Variants in MOB1B observed in about 807,000 individuals in gnomAD.
MOB1B encodes the protein MOB kinase activator 1B.
A neutral mutation model predicts 24.4 loss-of-function variants in MOB1B; 19 were observed. The observed-to-expected ratio is 0.78, with a 90% CI of 0.54 to 1.14. The LOEUF (loss-of-function observed/expected upper bound fraction) is 1.14. Among genes scored for constraint, MOB1B ranks in the 50% most tolerant of loss-of-function variants. The pLI is 0.00. For missense variants in MOB1B, 243 were observed against 259.6 expected, an observed-to-expected ratio of 0.94 and a Z score of 0.44; for synonymous variants, 76 against 82.1, an observed-to-expected ratio of 0.93 and a Z score of 0.40.
At chr4:70,969,436 C>A (rs1353724875) in intron 2 of MOB1B, among the ~76,000 whole-genome samples, 1 of 152,158 alleles carries the variant, frequency 6.6e-6, no homozygotes. Context: ...CAGCCTGGTT[C>A]TTTAAGAATG....
intron 1 of MOB1B, among the ~76,000 whole-genome samples, chr4:70,927,182 T>C (rs182380341): frequency 1.1e-4 from 16 of 152,142 alleles, no homozygotes; most frequent in African/African-American, 3.1e-4. Context: ...ATACAAACTT[T>C]CTTGGGTGTA....
At chr4:70,961,406 C>A (rs1383332794) in intron 2 of MOB1B, among the ~76,000 whole-genome samples, 5 of 152,176 alleles carry the variant, frequency 3.3e-5, no homozygotes, top group African/African-American at 1.2e-4. Flanking sequence ...CATCACGTTA[C>A]TCAGAATGGC....
At chr4:70,962,985 C>G (rs1738364892) in intron 2 of MOB1B, among the ~76,000 whole-genome samples, 1 of 152,080 alleles carries the variant, frequency 6.6e-6, no homozygotes, top group African/African-American at 2.4e-5. Flanking sequence ...GCCTGGGTGA[C>G]AGAGCGAGAC....
At chr4:70,931,883 C>G (rs1012161142) in intron 1 of MOB1B, among the ~76,000 whole-genome samples, 1 of 151,930 alleles carries the variant, frequency 6.6e-6, no homozygotes. Flanking sequence ...GGCACATGCA[C>G]CATGCCTGGC....
chr4:70,942,432 ATTTC>A (rs1321505861), intron 1 of MOB1B, among the ~76,000 whole-genome samples: 2 of 152,130 alleles, frequency 1.3e-5, no homozygotes, highest in South Asian at 2.1e-4. Context: ...ATTAGCATGG[ATTTC>A]TTTATTTTTT....
rs918111900 is a variant in MOB1B at position 70,967,716 on chromosome 4, C to CA, written c.182-2207dup. Among the ~76,000 whole-genome samples, 23 of 149,984 alleles carry CA rather than the reference C, an allele frequency of 1.5e-4. 1 individual carries two copies. The highest frequency in any genetic ancestry group is 3.7e-4 in the African/African-American group (15 of 40,638). ...AGGCCAAAAAAAGAAAAATGAACAA[C>CA]AAAAAAAAGGAAAAAAAATATTAGC... is the stretch of plus-strand genomic sequence containing the variant. On this transcript the variant is annotated intron_variant, in intron 2 of 5. Transcript: ENST00000309395.
intron 2 of MOB1B, among the ~76,000 whole-genome samples, chr4:70,963,864 C>T (rs1370130954): frequency 2.0e-5 from 3 of 151,910 alleles, no homozygotes; most frequent in Non-Finnish European, 4.4e-5. Flanking sequence ...AACAAACACA[C>T]CAATGTGTCA....
chr4:70,931,390 A>G (rs1454966300), intron 1 of MOB1B, among the ~76,000 whole-genome samples: 3 of 152,194 alleles, frequency 2.0e-5, no homozygotes, highest in Non-Finnish European at 4.4e-5. Flanking sequence ...TAATTTGGGC[A>G]AAATCATCGT....
chr4:70,920,188 C>T (rs1451095642), intron 1 of MOB1B, among the ~76,000 whole-genome samples: 3 of 152,104 alleles, frequency 2.0e-5, no homozygotes, highest in Admixed American at 2.0e-4. Flanking sequence ...ACTTTTCTGA[C>T]AAAATATTTG....
At chr4:70,964,874 G>A (rs1028359023) in intron 2 of MOB1B, among the ~76,000 whole-genome samples, 1 of 150,982 alleles carries the variant, frequency 6.6e-6, no homozygotes, top group African/African-American at 2.4e-5. Flanking sequence ...AGCTTGTAGT[G>A]AGCTGAGATT....
chr4:70,906,420 G>A (rs912693297), intron 1 of MOB1B, among the ~76,000 whole-genome samples: 13 of 152,076 alleles, frequency 8.5e-5, no homozygotes. Flanking sequence ...TGTGGATGTT[G>A]GGCACCATTT....
intron 3 of MOB1B, among the ~76,000 whole-genome samples, chr4:70,973,481 A>C (rs1047251403): frequency 5.9e-5 from 9 of 151,626 alleles, no homozygotes; most frequent in African/African-American, 1.5e-4. Flanking sequence ...AAAAAAAAAA[A>C]AAAAAAAAAA....
intron 1 of MOB1B, among the ~76,000 whole-genome samples, chr4:70,933,293 G>C (rs1328362633): frequency 6.6e-6 from 1 of 152,112 alleles, no homozygotes; most frequent in Non-Finnish European, 1.5e-5. Flanking sequence ...CCAACACTAA[G>C]ACATGAGATT....
intron 1 of MOB1B, among the ~76,000 whole-genome samples, chr4:70,934,326 T>G (rs938125741): frequency 2.6e-5 from 4 of 151,924 alleles, no homozygotes; most frequent in African/African-American, 9.7e-5. Flanking sequence ...CCTCAAGTGA[T>G]TCACCTGCCT....
At chr4:70,964,884 T>C (rs1204918558) in intron 2 of MOB1B, among the ~76,000 whole-genome samples, 1 of 150,754 alleles carries the variant, frequency 6.6e-6, no homozygotes, top group Non-Finnish European at 1.5e-5. Context: ...GAGCTGAGAT[T>C]GCACCATTGC....
intron 1 of MOB1B, among the ~76,000 whole-genome samples, chr4:70,912,574 G>A (rs772173788): frequency 4.6e-5 from 7 of 151,586 alleles, no homozygotes; most frequent in Non-Finnish European, 8.8e-5. Flanking sequence ...CACCACGCCC[G>A]GCCTTAAATT....
chr4:70,908,492 A>T (rs1735843338), intron 1 of MOB1B, among the ~76,000 whole-genome samples: 2 of 151,314 alleles, frequency 1.3e-5, no homozygotes, highest in South Asian at 4.2e-4. Flanking sequence ...TTAGCAATTT[A>T]GGCCGGGCAC....
chr4:70,940,563 T>C (rs1452666154), intron 1 of MOB1B, among the ~76,000 whole-genome samples: 9 of 152,248 alleles, frequency 5.9e-5, no homozygotes, highest in Non-Finnish European at 1.3e-4. Flanking sequence ...TCTCTGTCCA[T>C]GTATCAACAT....
chr4:70,918,037 A>G (rs1280349197), intron 1 of MOB1B, among the ~76,000 whole-genome samples: 3 of 152,262 alleles, frequency 2.0e-5, no homozygotes, highest in East Asian at 1.9e-4. Context: ...TAGAAATCCC[A>G]TACAATTTTG....
Sources: allele counts gnomAD v4.1 joint callset (sites outside exome capture counted in the v4.1 genomes callset), GRCh38; gene constraint gnomAD v4.1.1; transcripts MANE v1.5; gene names NCBI Gene and HGNC (gene_info 2026-07-23, HGNC 2026-07-21).